The following FAM220A variants were observed in gnomAD, a reference collection of about 807,000 sequenced individuals.
FAM220A encodes the protein protein FAM220A.
For synonymous variants in FAM220A, 141 were observed against 130.7 expected (o/e 1.08, Z -0.54); for missense variants, 392 against 321.6 (o/e 1.22, Z -1.68).
intron 1 of FAM220A, among the ~76,000 whole-genome samples, chr7:6,347,793 T>C (rs1200088863): frequency 3.3e-5 from 5 of 151,598 alleles, no homozygotes; most frequent in Non-Finnish European, 4.4e-5. Context: ...TGGTGGCTCA[T>C]GCCTATAATC....
At chr7:6,337,433 T>C (rs1448695760) in intron 1 of FAM220A, among the ~76,000 whole-genome samples, 1 of 151,436 alleles carries the variant, frequency 6.6e-6, no homozygotes, top group Non-Finnish European at 1.5e-5. Context: ...GTATTTTAAT[T>C]CTCAAGAAAA....
In FAM220A at chr7:6,331,247, A is replaced by T. The variant is rs1301710227; in HGVS notation, c.-81-12T>A. The T allele has an allele frequency of 7.7e-7, 1 of 1,295,030 alleles. No individual in the cohort carries two copies. Among genetic ancestry groups the T allele is most frequent in the South Asian group, 1.5e-5 (1 of 67,576 alleles). 80.2% of individuals were successfully genotyped at this position (1,295,030 alleles called of 1,614,324 possible). ...ATCTCAATATGAACCTAGGAAAGGGAATCAAATTAAAGTTCTAAAATGAAG... is the reference window on the plus strand; with the variant it reads ...ATCTCAATATGAACCTAGGAAAGGGTATCAAATTAAAGTTCTAAAATGAAG... On this transcript the variant is annotated splice_polypyrimidine_tract_variant and intron_variant, in intron 1 of 1. Coordinates refer to ENST00000313324, the MANE Select transcript of FAM220A (RefSeq NM_001037163.2).
At chr7:6,342,111 T>G (rs1781870475) in intron 1 of FAM220A, 1 of 152,188 alleles carries the variant, frequency 6.6e-6, no homozygotes, top group Admixed American at 6.6e-5. Flanking sequence ...AGGTGCCAGG[T>G]GCTGTTCTAG....
Position 6,330,327 on chromosome 7 carries a change from C to G in FAM220A, c.*48G>C, listed in dbSNP as rs1781602889. On this transcript the variant is annotated 3_prime_UTR_variant, in exon 2 of 2. Coordinates refer to ENST00000313324, the MANE Select transcript of FAM220A (RefSeq NM_001037163.2). ...CAGACTTAATGCGAAAGAAATCATT[C>G]TAAGACAACTCTTAAAATTAATCTA... 1 of 1,527,118 alleles carries G rather than the reference C, an allele frequency of 6.5e-7. No homozygotes were observed. Among genetic ancestry groups the G allele is most frequent in the Admixed American group, 1.9e-5 (1 of 51,612 alleles). 94.6% of individuals were successfully genotyped at this position (1,527,118 alleles called of 1,614,324 possible).
At chr7:6,333,838 CTCT>C (rs1275273549) in intron 1 of FAM220A, among the ~76,000 whole-genome samples, 4 of 138,464 alleles carry the variant, frequency 2.9e-5, no homozygotes, top group Non-Finnish European at 6.2e-5. Context: ...AACTCCTGGC[CTCT>C]TTTTTTTTTT....
At chr7:6,333,840 CTTTTTTT>C (rs904989717) in intron 1 of FAM220A, among the ~76,000 whole-genome samples, 18 of 96,844 alleles carry the variant, frequency 1.9e-4, no homozygotes, top group Admixed American at 1.1e-3. Flanking sequence ...CTCCTGGCCT[CTTTTTTT>C]TTTTTTTTTT....
chr7:6,337,794 A>ATTATTTATTTAT (rs142856746), intron 1 of FAM220A, among the ~76,000 whole-genome samples: 3,453 of 150,548 alleles, frequency 0.023, 75 homozygotes, highest in Middle Eastern at 0.055. Context: ...ATTTCAATAC[A>ATTATTTATTTAT]TTATTTATTT....
At chr7:6,341,093 G>A (rs1455838544) in intron 1 of FAM220A, among the ~76,000 whole-genome samples, 2 of 150,384 alleles carry the variant, frequency 1.3e-5, no homozygotes, top group African/African-American at 4.9e-5. Context: ...GCAGTGAGCT[G>A]AGATCGTGCC....
intron 1 of FAM220A, among the ~76,000 whole-genome samples, chr7:6,338,007 T>C (rs796730237): frequency 1.3e-5 from 2 of 150,180 alleles, no homozygotes; most frequent in South Asian, 4.2e-4. Flanking sequence ...TTTCACCATG[T>C]TGGCCAGGCT....
chr7:6,331,932 G>C (rs1462238796), intron 1 of FAM220A, among the ~76,000 whole-genome samples: 4 of 151,854 alleles, frequency 2.6e-5, no homozygotes, highest in African/African-American at 9.6e-5. Flanking sequence ...TTTTAGTAGA[G>C]ATGAGGGTTC....
chr7:6,347,516 G>A (rs1458435380), intron 1 of FAM220A, among the ~76,000 whole-genome samples: 1 of 138,470 alleles, frequency 7.2e-6, no homozygotes, highest in African/African-American at 2.6e-5. Flanking sequence ...TCTGTCTCAG[G>A]GAAAAAAAAA....
At chr7:6,334,787 T>C (rs972780314) in intron 1 of FAM220A, among the ~76,000 whole-genome samples, 24 of 127,910 alleles carry the variant, frequency 1.9e-4, no homozygotes, top group Non-Finnish European at 3.8e-4. Context: ...TTAGTTATTT[T>C]GAAATGGAGT....
At chr7:6,348,148 A>C (rs1393343021) in intron 1 of FAM220A, among the ~76,000 whole-genome samples, 2 of 148,432 alleles carry the variant, frequency 1.3e-5, no homozygotes, top group African/African-American at 4.9e-5. Context: ...GACCTCAGGT[A>C]ATCCGCCCGC....
intron 1 of FAM220A, among the ~76,000 whole-genome samples, chr7:6,335,084 A>G (rs888667700): frequency 6.7e-6 from 1 of 149,814 alleles, no homozygotes; most frequent in Admixed American, 6.7e-5. Flanking sequence ...ATTTTTTGAG[A>G]CAGAGTCTCA....
intron 1 of FAM220A, among the ~76,000 whole-genome samples, chr7:6,346,744 G>C (rs570218087): frequency 6.6e-6 from 1 of 152,244 alleles, no homozygotes; most frequent in African/African-American, 2.4e-5. Context: ...ACCATCACCT[G>C]TGTCAGGCAC....
chr7:6,330,822 T>C lies in FAM220A; in HGVS notation c.333A>G (p.Thr111=). ...STAVGLFPAP[T]ECFARVSCSG... ...TGCAGGACACCCGAGCAAAACACTCTGTTGGAGCAGGGAACAAACCCACGG... is the reference window on the plus strand; with the variant it reads ...TGCAGGACACCCGAGCAAAACACTCCGTTGGAGCAGGGAACAAACCCACGG... Residue 111 remains threonine (T), a synonymous_variant, in exon 2 of 2, where the codon ACA becomes ACG. Transcript: ENST00000313324. 1 of 1,614,162 alleles carries C rather than the reference T, an allele frequency of 6.2e-7. No homozygotes were observed. Among genetic ancestry groups the C allele is most frequent in the Non-Finnish European group, 8.5e-7 (1 of 1,180,024 alleles).
At chr7:6,336,356 A>G (rs914613574) in intron 1 of FAM220A, among the ~76,000 whole-genome samples, 9 of 151,144 alleles carry the variant, frequency 6.0e-5, no homozygotes, top group African/African-American at 2.2e-4. Flanking sequence ...CTCAAAAAAG[A>G]AAAGAAAAAA....
intron 1 of FAM220A, among the ~76,000 whole-genome samples, chr7:6,342,428 C>T (rs1781879750): frequency 1.3e-5 from 2 of 151,862 alleles, no homozygotes; most frequent in African/African-American, 2.4e-5. Context: ...ACCTGTAATC[C>T]CAGCTACTCG....
intron 1 of FAM220A, among the ~76,000 whole-genome samples, chr7:6,341,358 G>C (rs1271962539): frequency 6.7e-6 from 1 of 149,898 alleles, no homozygotes; most frequent in Admixed American, 6.7e-5. Context: ...CAGGAGAATG[G>C]TGTGAACCGG....
Sources: gnomAD v4.1 joint callset for allele counts (sites outside exome capture counted in the v4.1 genomes callset) on GRCh38, gnomAD v4.1.1 for gene constraint, MANE v1.5 for transcripts, NCBI Gene and HGNC (gene_info 2026-07-23, HGNC 2026-07-21) for gene names.